The following RXFP1 variants were observed in gnomAD, a reference collection of about 807,000 sequenced individuals.
RXFP1 encodes the protein relaxin receptor 1.
A neutral mutation model predicts 89.8 loss-of-function variants in RXFP1; 73 were observed. The ratio of observed to expected loss-of-function variants is 0.81; its 90% CI spans 0.67 to 0.99. The LOEUF (loss-of-function observed/expected upper bound fraction) is 0.99. Ranked by LOEUF, RXFP1 falls within the 50% of genes least tolerant of loss-of-function variation. RXFP1 has a pLI of 0.00. For synonymous variants in RXFP1, 277 were observed against 305.5 expected (o/e 0.91, Z 0.97); for missense variants, 793 against 895.5 (o/e 0.89, Z 1.46).
intron 1 of RXFP1, among the ~76,000 whole-genome samples, chr4:158,538,291 G>A (rs1745739094): frequency 6.6e-6 from 1 of 152,174 alleles, no homozygotes; most frequent in South Asian, 2.1e-4. Context: ...AAAGAGGCAG[G>A]CGTGGAAGCA....
intron 1 of RXFP1, among the ~76,000 whole-genome samples, chr4:158,552,230 T>G (rs779118564): frequency 6.6e-6 from 1 of 152,208 alleles, no homozygotes; most frequent in Non-Finnish European, 1.5e-5. Context: ...TAAAACTGAC[T>G]GTTACCACAC....
At chr4:158,571,462 T>G (rs1755042992) in intron 1 of RXFP1, among the ~76,000 whole-genome samples, 1 of 151,486 alleles carries the variant, frequency 6.6e-6, no homozygotes, top group Non-Finnish European at 1.5e-5. Context: ...AGGTCAGGAG[T>G]TCAAGACCAG....
intron 1 of RXFP1, among the ~76,000 whole-genome samples, chr4:158,545,875 A>C (rs997729614): frequency 2.0e-5 from 3 of 152,182 alleles, no homozygotes; most frequent in Admixed American, 6.5e-5. Flanking sequence ...GTTTGAAGTC[A>C]GGTAGCGTGA....
intron 3 of RXFP1, among the ~76,000 whole-genome samples, chr4:158,594,350 T>C (rs1282538154): frequency 6.6e-6 from 1 of 152,196 alleles, no homozygotes; most frequent in Non-Finnish European, 1.5e-5. Flanking sequence ...AGCCCTACCC[T>C]CATTACTCTA....
intron 9 of RXFP1, among the ~76,000 whole-genome samples, chr4:158,626,377 C>T (rs1051375042): frequency 2.0e-5 from 3 of 152,082 alleles, no homozygotes; most frequent in Non-Finnish European, 4.4e-5. Context: ...GTTTTGGCAG[C>T]AGCAGCTTTT....
intron 1 of RXFP1, among the ~76,000 whole-genome samples, chr4:158,526,127 A>G (rs1320172544): frequency 6.6e-6 from 1 of 152,254 alleles, no homozygotes; most frequent in Non-Finnish European, 1.5e-5. Flanking sequence ...AATCCATGCT[A>G]GGCGTTTATA....
At chr4:158,528,419 T>A (rs769138215) in intron 1 of RXFP1, among the ~76,000 whole-genome samples, 3 of 152,022 alleles carry the variant, frequency 2.0e-5, no homozygotes, top group Non-Finnish European at 2.9e-5. Flanking sequence ...GGTGGGAGGA[T>A]CGCTTGAGCC....
chr4:158,630,911 G>A (rs1047346624), intron 11 of RXFP1, among the ~76,000 whole-genome samples: 1 of 152,160 alleles, frequency 6.6e-6, no homozygotes, highest in Non-Finnish European at 1.5e-5. Context: ...TTGTCACAGA[G>A]GACTTTAAGT....
At chr4:158,525,494 TTA>T (rs1742285419) in intron 1 of RXFP1, among the ~76,000 whole-genome samples, 1 of 152,230 alleles carries the variant, frequency 6.6e-6, no homozygotes, top group African/African-American at 2.4e-5. Flanking sequence ...AGGGAAATTA[TTA>T]TGTTTATGAA....
intron 8 of RXFP1, among the ~76,000 whole-genome samples, chr4:158,616,649 A>G (rs1003413087): frequency 6.7e-6 from 1 of 148,874 alleles, no homozygotes; most frequent in Non-Finnish European, 1.5e-5. Flanking sequence ...GTATTTACAT[A>G]TAATTAGATT....
At chr4:158,615,308 G>A (rs185609436) in intron 8 of RXFP1, among the ~76,000 whole-genome samples, 189 of 151,936 alleles carry the variant, frequency 1.2e-3, no homozygotes, top group African/African-American at 4.1e-3. Context: ...ATGCCAAGGC[G>A]GGCAGATCAT....
intron 1 of RXFP1, among the ~76,000 whole-genome samples, chr4:158,532,615 G>A (rs896153669): frequency 3.9e-5 from 6 of 152,086 alleles, no homozygotes; most frequent in South Asian, 4.1e-4. Context: ...ACTCTGGCAC[G>A]GATGAGTGAC....
At chr4:158,554,476 A>G (rs1750836221) in intron 1 of RXFP1, among the ~76,000 whole-genome samples, 1 of 152,206 alleles carries the variant, frequency 6.6e-6, no homozygotes, top group Non-Finnish European at 1.5e-5. Flanking sequence ...TATCTTATAC[A>G]AATAAAAGCA....
At chr4:158,615,910 C>G (rs1184915163) in intron 8 of RXFP1, among the ~76,000 whole-genome samples, 3 of 152,020 alleles carry the variant, frequency 2.0e-5, no homozygotes, top group Non-Finnish European at 4.4e-5. Context: ...CATGGTCGCA[C>G]CACTGCACTT....
intron 1 of RXFP1, among the ~76,000 whole-genome samples, chr4:158,561,913 C>T (rs192582088): frequency 6.6e-6 from 1 of 152,208 alleles, no homozygotes; most frequent in African/African-American, 2.4e-5. Flanking sequence ...CAGGTGTGAG[C>T]CACTGCACCC....
In RXFP1 at chr4:158,558,352, A is replaced by T. The variant is rs560387309; in HGVS notation, c.50-14346A>T. Among the ~76,000 whole-genome samples, 24 of 152,314 alleles carry T rather than the reference A, an allele frequency of 1.6e-4. No individual in the cohort carries two copies. The South Asian group carries it at 5.0e-3, about 32-fold the overall frequency. Reference sequence around the variant, plus strand: ...CAATTAAACTTCATATCAGCAAATCATTGAGCCTTCCTTATTCATAGCCAA... The same window carrying T: ...CAATTAAACTTCATATCAGCAAATCTTTGAGCCTTCCTTATTCATAGCCAA... On this transcript the variant is annotated intron_variant, in intron 1 of 17. Transcript: ENST00000307765.
chr4:158,586,587 C>T (rs916756958), intron 2 of RXFP1, among the ~76,000 whole-genome samples: 1 of 152,082 alleles, frequency 6.6e-6, no homozygotes, highest in Non-Finnish European at 1.5e-5. Flanking sequence ...ATGAAGGACA[C>T]AGGATTTAAA....
At chr4:158,545,046 T>A (rs201780108) in intron 1 of RXFP1, among the ~76,000 whole-genome samples, 1 of 151,594 alleles carries the variant, frequency 6.6e-6, no homozygotes, top group South Asian at 2.1e-4. Context: ...ATGGTTGAAC[T>A]AGTTTACAGT....
chr4:158,629,606 C>A (rs982304128), intron 11 of RXFP1, among the ~76,000 whole-genome samples: 2 of 138,746 alleles, frequency 1.4e-5, no homozygotes, highest in Non-Finnish European at 3.0e-5. Context: ...ATTTTAGTGT[C>A]AATTTTTTTC....
Sources: allele counts gnomAD v4.1 joint callset (sites outside exome capture counted in the v4.1 genomes callset), GRCh38; gene constraint gnomAD v4.1.1; transcripts MANE v1.5; gene names NCBI Gene and HGNC (gene_info 2026-07-23, HGNC 2026-07-21).